Variants in FAM237A observed in about 807,000 individuals in gnomAD.
FAM237A encodes the protein family with sequence similarity 237 member A, also known as protein FAM237A.
In FAM237A, 14 loss-of-function variants were observed where a neutral mutation model predicts 12.5. The ratio of observed to expected loss-of-function variants is 1.12; its 90% CI spans 0.74 to 1.75. The LOEUF (loss-of-function observed/expected upper bound fraction) is 1.75, where lower values mean the gene tolerates loss of function less well. Ranked by LOEUF, FAM237A falls within the 40% of genes most tolerant of loss-of-function variation. FAM237A has a pLI of 0.00. For missense variants in FAM237A, 240 were observed against 211.7 expected, an observed-to-expected ratio of 1.13 and a Z score of -0.83; for synonymous variants, 85 against 77.5, an observed-to-expected ratio of 1.10 and a Z score of -0.51.
At chr2:206,644,680 A>T in intron 2 of FAM237A, 32 bp downstream of exon 2, 1 of 1,507,860 alleles carries the variant, frequency 6.6e-7, no homozygotes, top group Non-Finnish European at 8.8e-7. Context: ...GTCTTTTGAA[A>T]GGGTCAATCA....
intron 1 of FAM237A, chr2:206,643,305 T>C (rs1210048848): frequency 1.3e-5 from 2 of 152,240 alleles, no homozygotes; most frequent in East Asian, 3.8e-4. Flanking sequence ...TGTTTAAATG[T>C]GATACACATT....
Position 206,644,358 on chromosome 2 carries a change from C to T in FAM237A, c.122C>T (p.Ala41Val). 2 of 1,613,686 alleles carry T rather than the reference C, an allele frequency of 1.2e-6. No homozygotes were observed. Among genetic ancestry groups the T allele is most frequent in the East Asian group, 4.5e-5 (2 of 44,872 alleles). Residue 41 changes from alanine to valine, a missense_variant, in exon 2 of 3, where the codon GCT becomes GTT. By Grantham distance (64) the Ala-to-Val change is moderately conservative. Coordinates refer to ENST00000441223, the MANE Select transcript of FAM237A (RefSeq NM_001102659.3). Reference sequence around the variant, plus strand: ...TGCCATAGCCAGACAGACTTGCTGGCTCTTAGCCAAGCTGATCCTCAGTGC... The same window carrying T: ...TGCCATAGCCAGACAGACTTGCTGGTTCTTAGCCAAGCTGATCCTCAGTGC... ...FFCHSQTDLL[A>V]LSQADPQCWE...
chr2:206,647,694 A>G (rs1481371095), intron 2 of FAM237A, among the ~76,000 whole-genome samples: 1 of 149,078 alleles, frequency 6.7e-6, no homozygotes, highest in African/African-American at 2.5e-5. Flanking sequence ...GGGAAAGAGC[A>G]TACTGATGAC....
chr2:206,644,595 G>T lies in FAM237A; in HGVS notation c.359G>T (p.Gly120Val), dbSNP rs752003566. 6.2e-7 allele frequency: 1 copy of T among 1,608,190 alleles called. No individual in the cohort carries two copies. ...NHGLGRRQLV[G>V]EEEKISAAQP... ...GGCTTAGGAAGGAGGCAATTGGTTGGAGAGGAAGAGAAAATCTCAGCAGCG... is the reference window on the plus strand; with the variant it reads ...GGCTTAGGAAGGAGGCAATTGGTTGTAGAGGAAGAGAAAATCTCAGCAGCG... The change falls in exon 2 of 3, where the codon GGA becomes GTA. Residue 120 changes from glycine (G) to valine (V), a missense_variant. Coordinates refer to ENST00000441223, the MANE Select transcript of FAM237A (RefSeq NM_001102659.3).
Position 206,648,843 on chromosome 2 carries a change from T to TAA in FAM237A, c.*50_*51dup, listed in dbSNP as rs768368313. On this transcript the variant is annotated 3_prime_UTR_variant, in exon 3 of 3. Transcript: ENST00000441223. The stretch of plus-strand genomic sequence containing the variant: ...CCTTGGAATTAAATATACATATATA[T>TAA]AACATTTTTCTTAACTATTGATTAT... The TAA allele has an allele frequency of 2.4e-5, 32 of 1,341,468 alleles. No individual in the cohort carries two copies. In the South Asian group the frequency reaches 4.6e-4, roughly 19 times the overall value. The allele number at this position is 1,341,468 out of a possible 1,614,324, so 83.1% of individuals were successfully genotyped here.
In FAM237A at chr2:206,644,273, C is replaced by T. The variant is rs368340742; in HGVS notation, c.37C>T (p.Pro13Ser). 5.6e-5 allele frequency: 91 copies of T among 1,610,994 alleles called. No individual in the cohort carries two copies. Among genetic ancestry groups the T allele is most frequent in the Non-Finnish European group, 6.9e-5 (81 of 1,178,412 alleles). The stretch of plus-strand genomic sequence containing the variant: ...TGGGAACAGAGGAGGGATCCACCGC[C>T]CCTTGAGCTTCACCTGCTCCCTGCT... Reference protein sequence around the residue: ...DPGNRGGIHRPLSFTCSLLIV... With the variant: ...DPGNRGGIHRSLSFTCSLLIV... The change falls in exon 2 of 3, where the codon CCC (proline) becomes TCC (serine). Residue 13 changes from proline to serine, a missense_variant. Coordinates refer to ENST00000441223, the MANE Select transcript of FAM237A (RefSeq NM_001102659.3).
In FAM237A at chr2:206,644,397, CAG is replaced by C. The variant is rs746364957; in HGVS notation, c.162_163del (p.Val55AlafsTer28). The C allele has an allele frequency of 5.0e-6, 8 of 1,613,828 alleles. No individual in the cohort carries two copies. In the African/African-American group the frequency reaches 8.0e-5, roughly 16 times the overall value. On this transcript the variant is annotated frameshift_variant, in exon 2 of 3. Coordinates refer to ENST00000441223, the MANE Select transcript of FAM237A (RefSeq NM_001102659.3). LOFTEE classifies it high-confidence loss of function. Reference sequence around the variant, plus strand: ...GATCCTCAGTGCTGGGAATCCTCCTCAGTGCTTCTCCTGGAAATGTGGAAACC... The same window carrying C: ...GATCCTCAGTGCTGGGAATCCTCCTCTGCTTCTCCTGGAAATGTGGAAACC...
chr2:206,646,151 A>C (rs889499532), intron 2 of FAM237A, among the ~76,000 whole-genome samples: 2 of 152,054 alleles, frequency 1.3e-5, no homozygotes, highest in African/African-American at 4.8e-5. Flanking sequence ...AAATACAAAA[A>C]AATTAGCCGG....
Position 206,646,832 on chromosome 2 carries a change from A to AT in FAM237A, c.413-1821dup, listed in dbSNP as rs1241345054. Among the ~76,000 whole-genome samples, 9 of 152,052 alleles carry AT rather than the reference A, an allele frequency of 5.9e-5. No individual in the cohort carries two copies. In the South Asian group the frequency reaches 1.9e-3, roughly 32 times the overall value. On this transcript the variant is annotated intron_variant, in intron 2 of 2. Coordinates refer to ENST00000441223, the MANE Select transcript of FAM237A (RefSeq NM_001102659.3). ...AATGTACCTGCATGGATCCTCCAATATTTTTTTTCTTTTGTCCCTCGGGGA... is the reference window on the plus strand; with the variant it reads ...AATGTACCTGCATGGATCCTCCAATATTTTTTTTTCTTTTGTCCCTCGGGGA...
At chr2:206,647,506 A>G (rs1477774222) in intron 2 of FAM237A, among the ~76,000 whole-genome samples, 1 of 152,158 alleles carries the variant, frequency 6.6e-6, no homozygotes, top group Non-Finnish European at 1.5e-5. Flanking sequence ...GCATGGGCTA[A>G]TAGCTGAAGG....
At chr2:206,647,488 C>A (rs1361417577) in intron 2 of FAM237A, among the ~76,000 whole-genome samples, 1 of 152,018 alleles carries the variant, frequency 6.6e-6, no homozygotes, top group Non-Finnish European at 1.5e-5. Flanking sequence ...GTTATTTAGT[C>A]TAGAAAGGCA....
chr2:206,645,039 C>T (rs895273160), intron 2 of FAM237A, among the ~76,000 whole-genome samples: 2 of 152,220 alleles, frequency 1.3e-5, no homozygotes, highest in African/African-American at 2.4e-5. Flanking sequence ...ATTGAGAAGA[C>T]TTGAATATAA....
intron 2 of FAM237A, among the ~76,000 whole-genome samples, chr2:206,647,295 T>C (rs1699328602): frequency 6.6e-6 from 1 of 152,100 alleles, no homozygotes; most frequent in African/African-American, 2.4e-5. Context: ...AAAAGAAACG[T>C]ATGAAAGGCA....
rs1699357386 is a variant in FAM237A, at chr2:206,649,274, A to G, written c.*480A>G. 6.6e-6 allele frequency among the ~76,000 whole-genome samples: 1 copy of G among 152,206 alleles called. No individual in the cohort carries two copies. The highest frequency in any genetic ancestry group is 2.4e-5 in the African/African-American group (1 of 41,466). On this transcript the variant is annotated 3_prime_UTR_variant, in exon 3 of 3. Transcript: ENST00000441223. ...CTTGTTTGACAGCATATTTTTGAATACTGAATGAAGCAAAAAGTAAAACAA... is the reference window on the plus strand; with the variant it reads ...CTTGTTTGACAGCATATTTTTGAATGCTGAATGAAGCAAAAAGTAAAACAA...
At position 206,644,267 on chromosome 2, in the gene FAM237A, C is replaced by T. The variant is rs753423286; in HGVS notation, c.31C>T (p.His11Tyr). Reference sequence around the variant, plus strand: ...TGATCCTGGGAACAGAGGAGGGATCCACCGCCCCTTGAGCTTCACCTGCTC... The same window carrying T: ...TGATCCTGGGAACAGAGGAGGGATCTACCGCCCCTTGAGCTTCACCTGCTC... MADPGNRGGI[H>Y]RPLSFTCSLL... Residue 11 changes from histidine (H) to tyrosine (Y), a missense_variant, in exon 2 of 3, where the codon CAC (histidine) becomes TAC (tyrosine). Physicochemically the swap from His to Tyr is moderately conservative, Grantham distance 83 (BLOSUM62 2). Coordinates refer to ENST00000441223, the MANE Select transcript of FAM237A (RefSeq NM_001102659.3). 1 of 1,608,394 alleles carries T rather than the reference C, an allele frequency of 6.2e-7. No individual in the cohort carries two copies. Among genetic ancestry groups the T allele is most frequent in the African/African-American group, 1.3e-5 (1 of 74,854 alleles).
intron 2 of FAM237A, 25 bp from the exon 3 acceptor site, chr2:206,648,636 T>C (rs374537787): frequency 1.2e-5 from 19 of 1,572,402 alleles, no homozygotes; most frequent in Non-Finnish European, 1.4e-5. Context: ...GGTGATCTTA[T>C]GAAGTTCCGC....
At chr2:206,648,558 G>C (rs1699345872) in intron 2 of FAM237A, 103 bp from the exon 3 acceptor site, 1 of 1,136,920 alleles carries the variant, frequency 8.8e-7, no homozygotes, top group Non-Finnish European at 1.2e-6. Flanking sequence ...TGATATTGGA[G>C]TGGCAGAAAC....
Position 206,649,327 on chromosome 2 carries a change from T to G in FAM237A, c.*533T>G, listed in dbSNP as rs34076153. 0.098 allele frequency among the ~76,000 whole-genome samples: 14,969 copies of G among 152,224 alleles called. 890 individuals carry two copies. Among genetic ancestry groups the G allele is most frequent in the Non-Finnish European group, 0.14 (9,253 of 67,978 alleles). On this transcript the variant is annotated 3_prime_UTR_variant, in exon 3 of 3. Transcript: ENST00000441223. The stretch of plus-strand genomic sequence containing the variant: ...CAAAAAACTGGCAAATAAAGCATTC[T>G]TCTAATGAAAACAAAATTAATAAAA...
At chr2:206,646,302 T>TA (rs199557802) in intron 2 of FAM237A, among the ~76,000 whole-genome samples, 4,830 of 142,666 alleles carry the variant, frequency 0.034, 212 homozygotes, top group African/African-American at 0.11. Context: ...GACTCTATCT[T>TA]AAAAAAAAAA....
Sources: allele counts gnomAD v4.1 joint callset (sites outside exome capture counted in the v4.1 genomes callset), GRCh38; gene constraint gnomAD v4.1.1; transcripts MANE v1.5; gene names NCBI Gene and HGNC (gene_info 2026-07-23, HGNC 2026-07-21).